Variants in CFAP299 observed in about 807,000 individuals in gnomAD.
CFAP299 encodes cilia- and flagella-associated protein 299.
A neutral mutation model predicts 27.0 loss-of-function variants in CFAP299; 21 were observed. That is an observed-to-expected ratio of 0.78 (90% CI 0.55 to 1.12). The LOEUF is 1.12. Among genes scored for constraint, CFAP299 ranks in the 50% most tolerant of loss-of-function variants. CFAP299 has a pLI of 0.00. For missense variants in CFAP299, 310 were observed against 276.6 expected (o/e 1.12, Z -0.86); for synonymous variants, 104 against 98.1 (o/e 1.06, Z -0.36).
intron 4 of CFAP299, among the ~76,000 whole-genome samples, chr4:80,896,184 A>G (rs1183425679): frequency 1.3e-5 from 2 of 152,056 alleles, no homozygotes; most frequent in African/African-American, 4.8e-5. Flanking sequence ...CATTAGCAAT[A>G]TTAGGTATTT....
intron 4 of CFAP299, among the ~76,000 whole-genome samples, chr4:80,938,136 A>G (rs1737006152): frequency 6.6e-6 from 1 of 152,224 alleles, no homozygotes; most frequent in South Asian, 2.1e-4. Context: ...TTTAGATTAT[A>G]CATTAGCATT....
intron 3 of CFAP299, among the ~76,000 whole-genome samples, chr4:80,833,834 C>A (rs551779888): frequency 3.9e-5 from 6 of 152,096 alleles, no homozygotes; most frequent in Non-Finnish European, 8.8e-5. Flanking sequence ...TGACATTACT[C>A]CTACTGTGAT....
At chr4:80,591,105 A>ATTTTTTTTTTTTTTTTTTTTTTTTT (rs70944795) in intron 3 of CFAP299, among the ~76,000 whole-genome samples, 1 of 126,862 alleles carries the variant, frequency 7.9e-6, no homozygotes, top group Non-Finnish European at 1.6e-5. Context: ...ACTTTAGGAA[A>ATTTTTTTTTTTTTTTTTTTTTTTTT]TTTTTTTTTT....
chr4:80,926,980 C>T (rs868039723), intron 4 of CFAP299, among the ~76,000 whole-genome samples: 4 of 152,054 alleles, frequency 2.6e-5, no homozygotes, highest in African/African-American at 9.7e-5. Flanking sequence ...CCATAACAGG[C>T]TGCAACAAAT....
chr4:80,910,229 G>C (rs1394488104), intron 4 of CFAP299, among the ~76,000 whole-genome samples: 1 of 152,110 alleles, frequency 6.6e-6, no homozygotes, highest in South Asian at 2.1e-4. Context: ...TACACTGTTG[G>C]CAGGAGTTTA....
intron 2 of CFAP299, among the ~76,000 whole-genome samples, chr4:80,484,103 C>T (rs948745821): frequency 6.6e-6 from 1 of 151,912 alleles, no homozygotes; most frequent in Non-Finnish European, 1.5e-5. Context: ...TTGTTATTTT[C>T]GTTTTTACCC....
Position 80,674,819 on chromosome 4 carries a change from A to T in CFAP299, c.333+91636A>T, listed in dbSNP as rs190574043. Among the ~76,000 whole-genome samples, 12 of 152,228 alleles carry T rather than the reference A, an allele frequency of 7.9e-5. 1 individual carries two copies. The highest frequency in any genetic ancestry group is 6.5e-4 in the Admixed American group (10 of 15,292). Reference sequence around the variant, plus strand: ...ATTATTCAACTTGATCGAATCGGCTATTGAAGCTTATGCATGCATCACGTA... The same window carrying T: ...ATTATTCAACTTGATCGAATCGGCTTTTGAAGCTTATGCATGCATCACGTA... On this transcript the variant is annotated intron_variant, in intron 3 of 5. Transcript: ENST00000358105.
At chr4:80,493,745 TTCTA>T (rs1197240572) in intron 2 of CFAP299, among the ~76,000 whole-genome samples, 2 of 151,214 alleles carry the variant, frequency 1.3e-5, no homozygotes, top group African/African-American at 4.9e-5. Flanking sequence ...TCTGTCTCTT[TTCTA>T]TCTCATATTC....
chr4:80,616,169 G>A (rs1463681043), intron 3 of CFAP299, among the ~76,000 whole-genome samples: 1 of 152,074 alleles, frequency 6.6e-6, no homozygotes, highest in African/African-American at 2.4e-5. Context: ...CAACTGTAAA[G>A]TTTCACCTGT....
chr4:80,701,348 A>G (rs1320978690), intron 3 of CFAP299, among the ~76,000 whole-genome samples: 1 of 152,074 alleles, frequency 6.6e-6, no homozygotes, highest in Admixed American at 6.6e-5. Context: ...CTGAATTCAA[A>G]CATTCAGTTA....
At chr4:80,655,755 T>C (rs907065566) in intron 3 of CFAP299, among the ~76,000 whole-genome samples, 1 of 152,188 alleles carries the variant, frequency 6.6e-6, no homozygotes, top group South Asian at 2.1e-4. Flanking sequence ...ATTGTAATTA[T>C]GTGAATGTTA....
At position 80,906,329 on chromosome 4, in the gene CFAP299, G is replaced by A. The variant is rs2088186; in HGVS notation, c.476+36194G>A. Among the ~76,000 whole-genome samples the A allele has an allele frequency of 3.7e-3, 560 of 152,320 alleles. 2 individuals carry two copies. The highest frequency in any genetic ancestry group is 0.012 in the African/African-American group (519 of 41,574). Reference sequence around the variant, plus strand: ...CACCCCTGTGGCTTTGCAGGGTACAGCCCCGCTCCTGGCTGCTTTCATGGG... The same window carrying A: ...CACCCCTGTGGCTTTGCAGGGTACAACCCCGCTCCTGGCTGCTTTCATGGG... On this transcript the variant is annotated intron_variant, in intron 4 of 5. Coordinates refer to ENST00000358105, the MANE Select transcript of CFAP299 (RefSeq NM_152770.3).
chr4:80,742,336 C>T (rs7693739), intron 3 of CFAP299, among the ~76,000 whole-genome samples: 58,905 of 152,028 alleles, frequency 0.39, 15,405 homozygotes, highest in African/African-American at 0.74. Flanking sequence ...AAACAAGATA[C>T]TATTACCTAA....
chr4:80,345,116 C>T (rs1722659048), intron 1 of CFAP299, among the ~76,000 whole-genome samples: 1 of 152,060 alleles, frequency 6.6e-6, no homozygotes, highest in Admixed American at 6.6e-5. Flanking sequence ...TCCTATTCAA[C>T]ATAGTATTGA....
chr4:80,904,772 T>C (rs1005757112), intron 4 of CFAP299, among the ~76,000 whole-genome samples: 1 of 152,326 alleles, frequency 6.6e-6, no homozygotes, highest in East Asian at 1.9e-4. Context: ...TTCAAAATGA[T>C]GTATATTTAC....
chr4:80,617,052 T>C (rs985570687), intron 3 of CFAP299, among the ~76,000 whole-genome samples: 12 of 151,922 alleles, frequency 7.9e-5, no homozygotes, highest in African/African-American at 2.7e-4. Context: ...TCTACGGAAA[T>C]AGGATTTTAA....
intron 2 of CFAP299, 92 bp downstream of exon 2, chr4:80,362,976 C>T: frequency 1.5e-5 from 20 of 1,370,948 alleles, no homozygotes; most frequent in Non-Finnish European, 1.9e-5. Flanking sequence ...TTTAGAAGCA[C>T]TGGGTGGAGC....
chr4:80,810,369 C>A (rs1254170789), intron 3 of CFAP299, among the ~76,000 whole-genome samples: 2 of 151,798 alleles, frequency 1.3e-5, no homozygotes, highest in Non-Finnish European at 2.9e-5. Flanking sequence ...CACACACACA[C>A]ACACATACAC....
chr4:80,486,413 A>G (rs1730821985), intron 2 of CFAP299, among the ~76,000 whole-genome samples: 1 of 152,044 alleles, frequency 6.6e-6, no homozygotes, highest in Non-Finnish European at 1.5e-5. Flanking sequence ...GGATACAGAG[A>G]AGTTCTTGTT....
Sources: gnomAD v4.1 joint callset for allele counts (sites outside exome capture counted in the v4.1 genomes callset) on GRCh38, gnomAD v4.1.1 for gene constraint, MANE v1.5 for transcripts, NCBI Gene and HGNC (gene_info 2026-07-23, HGNC 2026-07-21) for gene names.